Variants in TUSC3 observed in about 807,000 individuals in gnomAD.
The protein encoded by TUSC3 is dolichyl-diphosphooligosaccharide--protein glycosyltransferase subunit TUSC3.
In TUSC3, 45 loss-of-function variants were observed where a neutral mutation model predicts 44.8. The ratio of observed to expected loss-of-function variants is 1.00; its 90% CI spans 0.79 to 1.29. The LOEUF (loss-of-function observed/expected upper bound fraction) is 1.29, where lower values mean the gene tolerates loss of function less well. TUSC3 is among the 50% of genes most tolerant of loss of function. The pLI, the probability that TUSC3 is intolerant of heterozygous loss-of-function variation, is 0.00. For missense variants in TUSC3, 519 were observed against 437.9 expected (o/e 1.19, Z -1.65); for synonymous variants, 212 against 152.9 (o/e 1.39, Z -2.85).
intron 1 of TUSC3, among the ~76,000 whole-genome samples, chr8:15,449,143 C>G (rs560099091): frequency 1.3e-5 from 2 of 152,062 alleles, no homozygotes; most frequent in African/African-American, 4.8e-5. Flanking sequence ...AGCCTCTGGC[C>G]AGAAGCTGAA....
At chr8:15,490,202 C>G (rs746635436) in intron 2 of TUSC3, among the ~76,000 whole-genome samples, 1 of 152,046 alleles carries the variant, frequency 6.6e-6, no homozygotes, top group Admixed American at 6.6e-5. Flanking sequence ...AACATTAGGA[C>G]CAATCTGAAG....
chr8:15,495,008 G>C (rs991384748), intron 2 of TUSC3, among the ~76,000 whole-genome samples: 5 of 152,142 alleles, frequency 3.3e-5, no homozygotes, highest in Non-Finnish European at 7.4e-5. Context: ...TGCAGTATTT[G>C]GTTTGCTGTT....
the TUSC3 span, among the ~76,000 whole-genome samples, chr8:15,818,317 A>G: frequency 2.6e-5 from 4 of 152,230 alleles, no homozygotes; most frequent in Admixed American, 1.3e-4. Flanking sequence ...TGGGACTTCA[A>G]TAGAAATCCT....
the TUSC3 span, among the ~76,000 whole-genome samples, chr8:15,840,393 A>G: frequency 3.3e-5 from 5 of 151,792 alleles, no homozygotes; most frequent in African/African-American, 1.2e-4. Context: ...AAATAAATCA[A>G]TAAATAACCA....
the TUSC3 span, among the ~76,000 whole-genome samples, chr8:15,829,997 G>T: frequency 6.6e-6 from 1 of 152,124 alleles, no homozygotes; most frequent in Admixed American, 6.5e-5. Context: ...TCTGGCTGGT[G>T]TGAGATGGTG....
chr8:15,620,077 C>T (rs751028506), intron 1 of TUSC3, among the ~76,000 whole-genome samples: 37 of 152,114 alleles, frequency 2.4e-4, no homozygotes, highest in Non-Finnish European at 5.1e-4. Context: ...AACAAACAAA[C>T]TGCAAATTAA....
intron 6 of TUSC3, among the ~76,000 whole-genome samples, chr8:15,713,675 C>A (rs539786387): frequency 6.6e-6 from 1 of 152,134 alleles, no homozygotes; most frequent in South Asian, 2.1e-4. Context: ...TTCCCATGGT[C>A]TTTACTCAGT....
At chr8:15,435,621 T>A (rs576293306) in intron 1 of TUSC3, among the ~76,000 whole-genome samples, 2 of 152,160 alleles carry the variant, frequency 1.3e-5, no homozygotes, top group African/African-American at 4.8e-5. Flanking sequence ...CTAAAACATA[T>A]GCAAGATTTT....
At chr8:15,559,350 G>A (rs113276939) in intron 1 of TUSC3, among the ~76,000 whole-genome samples, 27,246 of 147,300 alleles carry the variant, frequency 0.18, 3,292 homozygotes, top group Middle Eastern at 0.23. Flanking sequence ...TAGTTTGATT[G>A]CACTGTGGTC....
intron 2 of TUSC3, among the ~76,000 whole-genome samples, chr8:15,523,611 A>G (rs984709652): frequency 2.0e-5 from 3 of 146,446 alleles, no homozygotes; most frequent in Non-Finnish European, 4.5e-5. Context: ...TCACTTCCCA[A>G]ATAATTGGCT....
intron 6 of TUSC3, among the ~76,000 whole-genome samples, chr8:15,720,119 T>A (rs2129203641): frequency 6.6e-6 from 1 of 151,762 alleles, no homozygotes; most frequent in Admixed American, 6.6e-5. Flanking sequence ...TGTCTCAAAG[T>A]GTTGCCCAGG....
intron 2 of TUSC3, among the ~76,000 whole-genome samples, chr8:15,508,628 A>G (rs966219280): frequency 4.6e-5 from 7 of 151,664 alleles, no homozygotes; most frequent in Non-Finnish European, 7.4e-5. Context: ...TGCCCGGCTA[A>G]TTTTTTGTAT....
At chr8:15,643,727 T>C (rs1301187302) in intron 2 of TUSC3, among the ~76,000 whole-genome samples, 1 of 152,198 alleles carries the variant, frequency 6.6e-6, no homozygotes, top group Non-Finnish European at 1.5e-5. Flanking sequence ...CTACTTAATA[T>C]ATTTCAGTGA....
chr8:15,631,310 G>A (rs1204517422), intron 2 of TUSC3, among the ~76,000 whole-genome samples: 1 of 152,140 alleles, frequency 6.6e-6, no homozygotes, highest in Non-Finnish European at 1.5e-5. Flanking sequence ...CTCTTCCTCA[G>A]ATAGGATAAT....
In TUSC3 at chr8:15,695,128, T is replaced by C. The variant is rs537909124; in HGVS notation, c.798+21292T>C. Among the ~76,000 whole-genome samples the C allele has an allele frequency of 2.6e-5, 4 of 152,226 alleles. No homozygotes were observed. In the East Asian group the frequency reaches 7.7e-4, roughly 29 times the overall value. On this transcript the variant is annotated intron_variant, in intron 6 of 10. Coordinates refer to ENST00000503731, the MANE Select transcript of TUSC3 (RefSeq NM_006765.4). ...TGCAGTGGTGGTGTCAGTGGAAAGA[T>C]CGGGTACAGGAAGGCATGCAGTTAG...
rs533811796 is a variant in TUSC3, at chr8:15,764,604, A to G, written c.*448A>G. ...ACAGGGATAAAGCAAATGCATGAAAATATGTCATGTACTGAAAATTAAACT... is the reference window on the plus strand; with the variant it reads ...ACAGGGATAAAGCAAATGCATGAAAGTATGTCATGTACTGAAAATTAAACT... On this transcript the variant is annotated 3_prime_UTR_variant, in exon 11 of 11. Coordinates refer to ENST00000503731, the MANE Select transcript of TUSC3 (RefSeq NM_006765.4). 31 of 197,298 alleles carry G rather than the reference A, an allele frequency of 1.6e-4. No homozygotes were observed. The highest frequency in any genetic ancestry group is 3.0e-4 in the Non-Finnish European group (29 of 95,180). The allele number at this position is 197,298 out of a possible 1,614,324, so 12.2% of individuals were successfully genotyped here. A position where few individuals can be genotyped will look rare whatever the true frequency, so the allele number is the denominator to read the frequency against.
At chr8:15,787,713 G>T in the TUSC3 span, among the ~76,000 whole-genome samples, 1 of 152,126 alleles carries the variant, frequency 6.6e-6, no homozygotes, top group Admixed American at 6.5e-5. Flanking sequence ...TGACCACAGG[G>T]TATCTACTGT....
chr8:15,818,092 G>C, the TUSC3 span, among the ~76,000 whole-genome samples: 1 of 152,176 alleles, frequency 6.6e-6, no homozygotes, highest in African/African-American at 2.4e-5. Flanking sequence ...GAAGAGCAGA[G>C]ATAAGATTAG....
chr8:15,740,234 G>C (rs1478390429), intron 7 of TUSC3, among the ~76,000 whole-genome samples: 1 of 152,050 alleles, frequency 6.6e-6, no homozygotes, highest in Middle Eastern at 3.2e-3. Flanking sequence ...CAAGTTCAAA[G>C]ATCTCCTTAT....
Sources: gnomAD v4.1 joint callset for allele counts (sites outside exome capture counted in the v4.1 genomes callset) on GRCh38, gnomAD v4.1.1 for gene constraint, MANE v1.5 for transcripts, NCBI Gene and HGNC (gene_info 2026-07-23, HGNC 2026-07-21) for gene names.